The following HMCN1 variants were observed in gnomAD, a reference collection of about 807,000 sequenced individuals.
HMCN1 encodes the protein hemicentin 1.
HMCN1 carries 321 observed loss-of-function variants against 625.9 expected under a neutral mutation model. The ratio of observed to expected loss-of-function variants is 0.51; its 90% CI spans 0.47 to 0.56. The LOEUF is 0.56. Among genes scored for constraint, HMCN1 ranks in the 20% least tolerant of loss-of-function variants. HMCN1 has a pLI of 0.00. For synonymous variants in HMCN1, 2,425 were observed against 2,417.6 expected, an observed-to-expected ratio of 1.00 and a Z score of -0.09; for missense variants, 6,588 against 6,887.3, an observed-to-expected ratio of 0.96 and a Z score of 1.54.
chr1:185,822,650 CTAT>C (rs1660262479), intron 1 of HMCN1, among the ~76,000 whole-genome samples: 1 of 152,180 alleles, frequency 6.6e-6, no homozygotes, highest in South Asian at 2.1e-4. Flanking sequence ...AAAATTTTTT[CTAT>C]TATTATTTTG....
At chr1:186,071,462 T>C (rs906427913) in intron 52 of HMCN1, among the ~76,000 whole-genome samples, 10 of 152,186 alleles carry the variant, frequency 6.6e-5, no homozygotes, top group African/African-American at 2.2e-4. Flanking sequence ...AAAAGACATA[T>C]GTGCTGTTGA....
In HMCN1 at chr1:186,103,620, A is replaced by G. The variant is rs756997924; in HGVS notation, c.10722A>G (p.Gln3574=). Residue 3574 remains glutamine, a synonymous_variant, in exon 69 of 107, where the codon CAA becomes CAG. Coordinates refer to ENST00000271588, the MANE Select transcript of HMCN1 (RefSeq NM_031935.3). ...GCCGGCCCCTTCCACAGACGGATCA[A>G]GTGCAAACTCTAGGAGGAGGAGAGG... ...KDGRPLPQTD[Q]VQTLGGGEVL... 3.7e-6 allele frequency: 6 copies of G among 1,613,906 alleles called. No homozygotes were observed. In the South Asian group the frequency reaches 5.5e-5, roughly 15 times the overall value.
chr1:185,787,933 T>C (rs1360826997), intron 1 of HMCN1, among the ~76,000 whole-genome samples: 1 of 152,196 alleles, frequency 6.6e-6, no homozygotes, highest in African/African-American at 2.4e-5. Context: ...GTTGCTTAGA[T>C]TCAGAATGTA....
In HMCN1 at chr1:186,153,913, C is replaced by T. The variant is rs754953588; in HGVS notation, c.15182C>T (p.Ala5061Val). Residue 5061 changes from alanine to valine, a missense_variant, in exon 97 of 107, where the codon GCA becomes GTA. Coordinates refer to ENST00000271588, the MANE Select transcript of HMCN1 (RefSeq NM_031935.3). ...RMPFLVETLHASSVESDYNQI... is the reference protein window; with the variant it reads ...RMPFLVETLHVSSVESDYNQI... ...CCTTTCTTGGTTGAAACACTTCATGCATCCTCTGTGGAATCTGACTATAAC... is the reference window on the plus strand; with the variant it reads ...CCTTTCTTGGTTGAAACACTTCATGTATCCTCTGTGGAATCTGACTATAAC... 17 of 1,614,002 alleles carry T rather than the reference C, an allele frequency of 1.1e-5. No individual in the cohort carries two copies. Among genetic ancestry groups the T allele is most frequent in the Admixed American group, 1.7e-5 (1 of 60,002 alleles).
Position 186,106,929 on chromosome 1 carries a change from G to A in HMCN1, c.10816G>A (p.Gly3606Arg), listed in dbSNP as rs1469695536. 14 of 1,612,830 alleles carry A rather than the reference G, an allele frequency of 8.7e-6. No homozygotes were observed. The highest frequency in any genetic ancestry group is 1.2e-5 in the Non-Finnish European group (14 of 1,178,978). The change falls in exon 70 of 107, where the codon GGA (glycine) becomes AGA (arginine). Residue 3606 changes from glycine to arginine, a missense_variant. Around this residue, in one of 3 missense-constraint regions of HMCN1, gnomAD observed 4,628 missense variants for 4,853.1 expected, o/e 0.95. Transcript: ENST00000271588. Reference protein sequence around the residue: ...RYTCLASSPAGDDDKEYLVRV... With the variant: ...RYTCLASSPARDDDKEYLVRV... ...TACATGTCTGGCATCCAGTCCTGCA[G>A]GAGATGATGATAAGGAATATCTAGT...
chr1:185,873,844 G>C (rs2102375608), intron 4 of HMCN1, among the ~76,000 whole-genome samples: 1 of 152,092 alleles, frequency 6.6e-6, no homozygotes. Flanking sequence ...GTAATTGGCT[G>C]TTGTTAATCT....
chr1:185,949,632 A>G (rs540010247), intron 11 of HMCN1, among the ~76,000 whole-genome samples: 19 of 152,002 alleles, frequency 1.2e-4, no homozygotes, highest in Middle Eastern at 6.8e-3. Context: ...CTCTTATCAG[A>G]CTGTATTGAG....
chr1:185,919,971 CTGTT>C (rs1390263412), intron 6 of HMCN1, among the ~76,000 whole-genome samples: 6 of 152,156 alleles, frequency 3.9e-5, no homozygotes, highest in Admixed American at 1.3e-4. Context: ...TACACAAAAC[CTGTT>C]TGTTTCTATT....
intron 57 of HMCN1, among the ~76,000 whole-genome samples, chr1:186,083,906 C>G (rs1431633987): frequency 6.6e-6 from 1 of 152,050 alleles, no homozygotes. Flanking sequence ...ATAAATCTAA[C>G]CAGAGCAGGA....
chr1:186,042,661 A>G (rs1656285462), intron 40 of HMCN1, among the ~76,000 whole-genome samples: 1 of 152,186 alleles, frequency 6.6e-6, no homozygotes. Flanking sequence ...TTGAATGTTT[A>G]TATATGTTTA....
intron 15 of HMCN1, among the ~76,000 whole-genome samples, chr1:185,976,200 C>G (rs530668307): frequency 6.0e-4 from 91 of 152,122 alleles, no homozygotes; most frequent in Non-Finnish European, 1.3e-3. Context: ...AGAGGAGGGG[C>G]CTTTTAAACC....
At position 186,178,523 on chromosome 1, in the gene HMCN1, G is replaced by A. The variant is rs144069476; in HGVS notation, c.16051G>A (p.Gly5351Arg). 17 of 1,614,050 alleles carry A rather than the reference G, an allele frequency of 1.1e-5. 1 individual carries two copies. The highest frequency in any genetic ancestry group is 5.5e-5 in the South Asian group (5 of 91,074). Residue 5351 changes from glycine (G) to arginine (R), a missense_variant, in exon 104 of 107, where the codon GGG becomes AGG. Around this residue, in one of 3 missense-constraint regions of HMCN1, gnomAD observed 1,954 missense variants for 2,013.1 expected, o/e 0.97. Transcript: ENST00000271588. ...CPPGQHLLGD[G>R]KSCAGLERLP... is the part of the protein sequence containing the mutation. ...ACCAGGACAACATTTATTAGGGGAC[G>A]GGAAATCTTGCGCTGGATTGGAGAG...
chr1:186,145,761 A>C lies in HMCN1; in HGVS notation c.14446A>C (p.Ser4816Arg). The C allele has an allele frequency of 6.2e-7, 1 of 1,614,108 alleles. No individual in the cohort carries two copies. The highest frequency in any genetic ancestry group is 8.5e-7 in the Non-Finnish European group (1 of 1,179,982). ...CNTDMCPVDGSWGSWHSWSQC... is the reference protein window; with the variant it reads ...CNTDMCPVDGRWGSWHSWSQC... ...TCCATTCTTGTTCACAGTGGATGGA[A>C]GTTGGGGAAGCTGGCATAGTTGGAG... Residue 4816 changes from serine to arginine, a missense_variant, in exon 93 of 107, where the codon AGT (serine) becomes CGT (arginine). Physicochemically the swap from Ser to Arg is moderately radical, Grantham distance 110. Transcript: ENST00000271588.
chr1:186,174,886 A>G (rs923231456), intron 103 of HMCN1, among the ~76,000 whole-genome samples: 73 of 152,242 alleles, frequency 4.8e-4, no homozygotes, highest in African/African-American at 1.6e-3. Flanking sequence ...TACACCACAC[A>G]TATCAAAGTG....
chr1:185,814,760 C>T (rs1659740998), intron 1 of HMCN1, among the ~76,000 whole-genome samples: 1 of 148,882 alleles, frequency 6.7e-6, no homozygotes, highest in South Asian at 2.1e-4. Context: ...GGCTCGATCT[C>T]AGCTCACTGC....
chr1:185,743,958 T>C (rs951180180), intron 1 of HMCN1, among the ~76,000 whole-genome samples: 1 of 151,302 alleles, frequency 6.6e-6, no homozygotes, highest in Non-Finnish European at 1.5e-5. Context: ...AGAAAAAGAT[T>C]CTACTTGATG....
intron 86 of HMCN1, 40 bp downstream of exon 86, chr1:186,132,449 G>A: frequency 7.1e-7 from 1 of 1,411,256 alleles, no homozygotes; most frequent in Non-Finnish European, 9.9e-7. Flanking sequence ...CTTGATTTAG[G>A]AAATATTACC....
intron 50 of HMCN1, among the ~76,000 whole-genome samples, chr1:186,068,512 G>GA (rs1465287152): frequency 6.6e-6 from 1 of 152,140 alleles, no homozygotes; most frequent in African/African-American, 2.4e-5. Context: ...ATGAATCTGT[G>GA]AAAAATCATG....
Position 186,178,672 on chromosome 1 carries a change from G to C in HMCN1, c.16200G>C (p.Glu5400Asp), listed in dbSNP as rs1257464004. 9 of 1,614,108 alleles carry C rather than the reference G, an allele frequency of 5.6e-6. No homozygotes were observed. The highest frequency in any genetic ancestry group is 1.7e-5 in the Admixed American group (1 of 60,020). Residue 5400 changes from glutamate to aspartate, a missense_variant, in exon 104 of 107, where the codon GAG becomes GAC. Glu to Asp is a conservative substitution (Grantham distance 45, BLOSUM62 2). Transcript: ENST00000271588. ...QYSHLYSSYS[E>D]YRNSRTSLSR... ...CACATCTCTACAGCTCCTACTCAGA[G>C]TATAGAAACAGCAGAACATCTCTCT...
Sources: allele counts gnomAD v4.1 joint callset (sites outside exome capture counted in the v4.1 genomes callset), GRCh38; gene constraint gnomAD v4.1.1; regional missense constraint gnomAD v4.1.1; transcripts MANE v1.5; gene names NCBI Gene and HGNC (gene_info 2026-07-23, HGNC 2026-07-21).